Variants in JCAD observed in about 807,000 individuals in gnomAD.
The protein encoded by JCAD is junctional cadherin 5-associated protein.
Under a neutral mutation model 98.0 loss-of-function variants are expected in JCAD, and 40 were observed. That is an observed-to-expected ratio of 0.41 (90% confidence interval 0.32 to 0.53). JCAD has a LOEUF of 0.53. JCAD is among the 20% of genes least tolerant of loss of function. The probability of loss-of-function intolerance (pLI) is 0.31; values close to 1 mark genes in which losing one functional copy is unlikely to be tolerated. For synonymous variants in JCAD, 691 were observed against 682.3 expected (o/e 1.01, Z -0.20); for missense variants, 1,705 against 1,738.1 (o/e 0.98, Z 0.34).
At position 30,030,750 on chromosome 10, in the gene JCAD, C is replaced by A. The variant is rs564746804; in HGVS notation, c.282-884G>T. 1.6e-3 allele frequency among the ~76,000 whole-genome samples: 243 copies of A among 152,128 alleles called. 2 individuals carry two copies. Among genetic ancestry groups the A allele is most frequent in the African/African-American group, 5.7e-3 (236 of 41,466 alleles). ...TGCAAGTTCCCAGATGATGCTGATG[C>A]TGCTGGTCCCAGGGCCTTACTTTGA... is the stretch of plus-strand genomic sequence containing the variant. On this transcript the variant is annotated intron_variant, in intron 2 of 3. Transcript: ENST00000375377.
At chr10:30,020,307 A>G (rs1187341762) in intron 3 of JCAD, among the ~76,000 whole-genome samples, 1 of 149,482 alleles carries the variant, frequency 6.7e-6, no homozygotes, top group African/African-American at 2.5e-5. Flanking sequence ...AGCTTGGGCA[A>G]CAGAGTGAGA....
chr10:30,024,134 C>T (rs571001300), intron 3 of JCAD, among the ~76,000 whole-genome samples: 1 of 152,286 alleles, frequency 6.6e-6, no homozygotes, highest in African/African-American at 2.4e-5. Context: ...CACTGCACTC[C>T]AGCCTGGGCC....
chr10:30,026,952 C>A lies in JCAD; in HGVS notation c.3196G>T (p.Gly1066Trp), dbSNP rs760401492. Residue 1066 changes from glycine to tryptophan, a missense_variant, in exon 3 of 4, where the codon GGG becomes TGG. Physicochemically the swap from Gly to Trp is radical, Grantham distance 184 (BLOSUM62 -2). Transcript: ENST00000375377. ...GQEQGASELEGSLGEASTIEI... is the reference protein window; with the variant it reads ...GQEQGASELEWSLGEASTIEI... ...ATTGTGCTTGCTTCACCCAAAGACC[C>A]CTCTAGCTCACTGGCACCCTGTTCT... 2 of 1,614,186 alleles carry A rather than the reference C, an allele frequency of 1.2e-6. No homozygotes were observed. The highest frequency in any genetic ancestry group is 8.5e-7 in the Non-Finnish European group (1 of 1,180,032).
chr10:30,073,693 C>G (rs866981393), intron 1 of JCAD, among the ~76,000 whole-genome samples: 2 of 139,458 alleles, frequency 1.4e-5, no homozygotes, highest in African/African-American at 2.7e-5. Flanking sequence ...TTCCTTCCTT[C>G]CTTCCTTCCT....
chr10:30,046,432 G>A (rs7071848), intron 2 of JCAD, among the ~76,000 whole-genome samples: 42,136 of 152,128 alleles, frequency 0.28, 6,894 homozygotes, highest in Non-Finnish European at 0.37. Flanking sequence ...GTGCGTGCAA[G>A]GAAAAGATAG....
rs1837658939 is a variant in JCAD, at chr10:30,059,510, C to G, written c.-88G>C. ...GCGGCTCCCTCATGCCGCCTCGCGC[C>G]GCCACCGCCGCCGCTCCGGCCGGCC... is the stretch of plus-strand genomic sequence containing the variant. On this transcript the variant is annotated 5_prime_UTR_variant, in exon 1 of 4. Coordinates refer to ENST00000375377, the MANE Select transcript of JCAD (RefSeq NM_020848.4). This position sits in a 1 kb window ranked among gnomAD's most constrained non-coding sequence, Gnocchi z 5.0. 1 of 150,916 alleles carries G rather than the reference C, an allele frequency of 6.6e-6. No individual in the cohort carries two copies. The highest frequency in any genetic ancestry group is 1.8e-4 in the South Asian group (1 of 5,542). The allele number at this position is 150,916 out of a possible 1,614,324, so 9.3% of individuals were successfully genotyped here. A position where few individuals can be genotyped will look rare whatever the true frequency, so the allele number is the denominator to read the frequency against.
intron 2 of JCAD, among the ~76,000 whole-genome samples, chr10:30,068,432 T>A (rs948473686): frequency 6.8e-6 from 1 of 147,700 alleles, no homozygotes; most frequent in African/African-American, 2.5e-5. Context: ...GTAAATCTCC[T>A]GTGAAAGAAA....
At position 30,026,101 on chromosome 10, in the gene JCAD, A is replaced by C. The variant is rs750165271; in HGVS notation, c.4045+2T>G. ...CACCTGCCTGTCTGCCTGATTCCTC[A>C]CCTGGGCACCAGAAGTCTTGATCCA... On this transcript the variant is annotated splice_donor_variant, in intron 3 of 3. Coordinates refer to ENST00000375377, the MANE Select transcript of JCAD (RefSeq NM_020848.4). LOFTEE classifies it high-confidence loss of function. 6.2e-7 allele frequency: 1 copy of C among 1,614,076 alleles called. No homozygotes were observed. Among genetic ancestry groups the C allele is most frequent in the African/African-American group, 1.3e-5 (1 of 75,034 alleles).
chr10:30,063,100 C>A (rs1010725249), upstream of JCAD, among the ~76,000 whole-genome samples: 1 of 150,266 alleles, frequency 6.7e-6, no homozygotes, highest in Non-Finnish European at 1.5e-5. Flanking sequence ...CATTTTCCTG[C>A]AATTTGGGTC....
intron 1 of JCAD, among the ~76,000 whole-genome samples, chr10:30,111,166 C>T (rs1038407248): frequency 6.6e-6 from 1 of 152,240 alleles, no homozygotes; most frequent in Non-Finnish European, 1.5e-5. Context: ...AGCTGTGGCT[C>T]TCCACTCACT....
intron 2 of JCAD, among the ~76,000 whole-genome samples, chr10:30,068,693 C>T (rs1837829345): frequency 6.6e-6 from 1 of 152,222 alleles, no homozygotes; most frequent in Non-Finnish European, 1.5e-5. Context: ...AGGTTACTCA[C>T]ACCTCCCCTG....
intron 3 of JCAD, among the ~76,000 whole-genome samples, chr10:30,020,316 G>A (rs780852708): frequency 1.7e-5 from 2 of 114,896 alleles, no homozygotes; most frequent in Non-Finnish European, 3.3e-5. Context: ...AACAGAGTGA[G>A]ACTCGGTCTC....
chr10:30,102,516 G>A (rs1838489512), intron 1 of JCAD, among the ~76,000 whole-genome samples: 1 of 152,108 alleles, frequency 6.6e-6, no homozygotes, highest in South Asian at 2.1e-4. Flanking sequence ...TAACTTATAG[G>A]CATAATGTTG....
chr10:30,013,691 G>A lies in JCAD; in HGVS notation c.*4192C>T, dbSNP rs960002022. On this transcript the variant is annotated 3_prime_UTR_variant, in exon 4 of 4. Transcript: ENST00000375377. Reference sequence around the variant, plus strand: ...CCCTAGTAGGGCCTGTCTTTCATACGGAAAGGGTTCCTCCTAACCCCTATC... The same window carrying A: ...CCCTAGTAGGGCCTGTCTTTCATACAGAAAGGGTTCCTCCTAACCCCTATC... The A allele has an allele frequency of 1.3e-5, 2 of 152,182 alleles. No individual in the cohort carries two copies. The highest frequency in any genetic ancestry group is 4.8e-5 in the African/African-American group (2 of 41,438). The allele number at this position is 152,182 out of a possible 1,614,324, so 9.4% of individuals were successfully genotyped here.
At chr10:30,091,004 C>T (rs1433858521) in intron 1 of JCAD, among the ~76,000 whole-genome samples, 2 of 152,194 alleles carry the variant, frequency 1.3e-5, no homozygotes, top group East Asian at 3.8e-4. Context: ...CTTACTCAGA[C>T]CACAGGTGCA....
intron 1 of JCAD, among the ~76,000 whole-genome samples, chr10:30,096,103 A>AGT (rs1838363522): frequency 6.6e-6 from 1 of 152,230 alleles, no homozygotes; most frequent in African/African-American, 2.4e-5. Flanking sequence ...CAGAGGGGCC[A>AGT]GTGTGTGGAG....
chr10:30,079,239 C>A (rs7909658), intron 1 of JCAD, among the ~76,000 whole-genome samples: 4,679 of 147,960 alleles, frequency 0.032, 237 homozygotes, highest in African/African-American at 0.11. Flanking sequence ...CCCAGCTACT[C>A]GGGAGGCTGA....
At chr10:30,024,398 T>G (rs2132607966) in intron 3 of JCAD, among the ~76,000 whole-genome samples, 1 of 152,262 alleles carries the variant, frequency 6.6e-6, no homozygotes, top group African/African-American at 2.4e-5. Context: ...TGGGCATATT[T>G]TTTGAGGAGG....
intron 1 of JCAD, among the ~76,000 whole-genome samples, chr10:30,089,513 C>CGTGTGTGTGT (rs58665379): frequency 0.011 from 1,554 of 142,998 alleles, 23 homozygotes; most frequent in African/African-American, 0.029. Flanking sequence ...ATGCTTCTTC[C>CGTGTGTGTGT]GTGTGTGTGT....
Sources: gnomAD v4.1 joint callset for allele counts (sites outside exome capture counted in the v4.1 genomes callset) on GRCh38, gnomAD v4.1.1 for gene constraint, Gnocchi (gnomAD v3.1) non-coding constraint, MANE v1.5 for transcripts, NCBI Gene and HGNC (gene_info 2026-07-23, HGNC 2026-07-21) for gene names.